Variants in IGSF21 observed in about 807,000 individuals in gnomAD.
IGSF21 encodes the protein immunoglobulin superfamily member 21.
A neutral mutation model predicts 46.8 loss-of-function variants in IGSF21; 28 were observed. That is an observed-to-expected ratio of 0.60 (90% CI 0.44 to 0.82). The LOEUF is 0.82. IGSF21 is among the 40% of genes least tolerant of loss of function. The probability of loss-of-function intolerance (pLI) is 0.00; values close to 1 mark genes in which losing one functional copy is unlikely to be tolerated. For synonymous variants in IGSF21, 284 were observed against 273.6 expected (o/e 1.04, Z -0.38); for missense variants, 624 against 665.5 (o/e 0.94, Z 0.69).
chr1:18,366,541 C>T (rs2124633764), intron 6 of IGSF21, among the ~76,000 whole-genome samples: 1 of 152,262 alleles, frequency 6.6e-6, no homozygotes, highest in South Asian at 2.1e-4. Flanking sequence ...AGGACAGTTG[C>T]TGCATAAGGG....
chr1:18,224,951 G>C (rs186078056), intron 1 of IGSF21, among the ~76,000 whole-genome samples: 16 of 152,044 alleles, frequency 1.1e-4, no homozygotes, highest in African/African-American at 3.9e-4. Context: ...TGTAATCCCA[G>C]CTACTCAGGA....
intron 3 of IGSF21, among the ~76,000 whole-genome samples, chr1:18,292,412 G>A (rs2085276282): frequency 6.6e-6 from 1 of 152,220 alleles, no homozygotes; most frequent in Admixed American, 6.5e-5. Flanking sequence ...TGTGCTCCAA[G>A]GCCATAAGGG....
At chr1:18,197,515 A>C (rs2124480378) in intron 1 of IGSF21, among the ~76,000 whole-genome samples, 1 of 152,312 alleles carries the variant, frequency 6.6e-6, no homozygotes, top group East Asian at 1.9e-4. Flanking sequence ...TGGATGTTCT[A>C]ATAACTGCAT....
intron 2 of IGSF21, among the ~76,000 whole-genome samples, chr1:18,260,204 G>A (rs971753410): frequency 1.3e-5 from 2 of 152,256 alleles, no homozygotes; most frequent in Non-Finnish European, 2.9e-5. Flanking sequence ...GGACACTGAG[G>A]ATGGTCCGAG....
chr1:18,263,298 C>G (rs1358471972), intron 2 of IGSF21, among the ~76,000 whole-genome samples: 2 of 152,120 alleles, frequency 1.3e-5, no homozygotes, highest in Non-Finnish European at 2.9e-5. Context: ...GCTTTCTCAA[C>G]CTACTTGCAT....
intron 2 of IGSF21, 70 bp from the exon 3 acceptor site, chr1:18,291,796 T>G (rs1018561855): frequency 6.4e-7 from 1 of 1,574,250 alleles, no homozygotes; most frequent in African/African-American, 1.3e-5. Context: ...ATCTTGTCAG[T>G]GTCCTGGGGA....
chr1:18,186,021 G>C (rs536183635), intron 1 of IGSF21, among the ~76,000 whole-genome samples: 1 of 152,214 alleles, frequency 6.6e-6, no homozygotes, highest in African/African-American at 2.4e-5. Context: ...TATGCATTTT[G>C]AGGGATTATT....
intron 1 of IGSF21, among the ~76,000 whole-genome samples, chr1:18,186,217 G>C (rs1034758941): frequency 2.6e-5 from 4 of 152,134 alleles, no homozygotes; most frequent in African/African-American, 9.7e-5. Context: ...GGCTTGGGGA[G>C]GGCAAAGCTC....
intron 1 of IGSF21, among the ~76,000 whole-genome samples, chr1:18,133,844 A>G (rs1317131195): frequency 6.6e-6 from 1 of 152,228 alleles, no homozygotes; most frequent in Non-Finnish European, 1.5e-5. Context: ...GGGCTCGTGA[A>G]TATTTACTTG....
At chr1:18,226,768 A>G (rs2084571420) in intron 1 of IGSF21, among the ~76,000 whole-genome samples, 1 of 152,084 alleles carries the variant, frequency 6.6e-6, no homozygotes, top group Non-Finnish European at 1.5e-5. Context: ...AAATCTTCGA[A>G]CCCATCCTGG....
intron 1 of IGSF21, among the ~76,000 whole-genome samples, chr1:18,221,585 C>T (rs907350101): frequency 3.3e-5 from 5 of 152,042 alleles, no homozygotes; most frequent in Non-Finnish European, 4.4e-5. Flanking sequence ...AAATATTGCC[C>T]GCGATTTTGC....
intron 1 of IGSF21, among the ~76,000 whole-genome samples, chr1:18,216,014 G>A (rs1210440068): frequency 6.6e-6 from 1 of 152,184 alleles, no homozygotes; most frequent in African/African-American, 2.4e-5. Flanking sequence ...GCGCTAGTCT[G>A]ATGTCTGAGA....
intron 4 of IGSF21, among the ~76,000 whole-genome samples, chr1:18,342,069 G>T (rs199623677): frequency 1.2e-3 from 110 of 94,296 alleles, no homozygotes; most frequent in East Asian, 2.4e-3. Context: ...TTTTTTTTTT[G>T]TTTGTTTGTT....
chr1:18,302,885 C>T (rs1305480749), intron 3 of IGSF21, among the ~76,000 whole-genome samples: 5 of 152,174 alleles, frequency 3.3e-5, no homozygotes, highest in Non-Finnish European at 5.9e-5. Context: ...TCTCTACCTA[C>T]CTTCCCCCAC....
intron 2 of IGSF21, among the ~76,000 whole-genome samples, chr1:18,244,063 A>C (rs553496027): frequency 1.3e-5 from 2 of 152,364 alleles, no homozygotes; most frequent in African/African-American, 4.8e-5. Flanking sequence ...GTGACTGTTA[A>C]GAGCAACCCT....
intron 3 of IGSF21, among the ~76,000 whole-genome samples, chr1:18,305,389 G>GGATGGATGGATAATGGATGGAT (rs1221381383): frequency 2.0e-5 from 3 of 151,278 alleles, no homozygotes; most frequent in Admixed American, 2.0e-4. Context: ...ATGCATGGAT[G>GGATGGATGGATAATGGATGGAT]GATGGATGGA....
At chr1:18,200,353 G>A (rs1010579129) in intron 1 of IGSF21, among the ~76,000 whole-genome samples, 1 of 152,198 alleles carries the variant, frequency 6.6e-6, no homozygotes, top group East Asian at 1.9e-4. Context: ...CTGTAACAGT[G>A]ACTTAAAACA....
intron 2 of IGSF21, among the ~76,000 whole-genome samples, chr1:18,230,535 T>C (rs1371962407): frequency 6.6e-6 from 1 of 152,114 alleles, no homozygotes; most frequent in Non-Finnish European, 1.5e-5. Flanking sequence ...TGTAATTCTG[T>C]AGCTGGACGG....
intron 1 of IGSF21, among the ~76,000 whole-genome samples, chr1:18,225,083 T>TCACACACACACACACA (rs1309548249): frequency 1.8e-5 from 1 of 54,906 alleles, no homozygotes; most frequent in East Asian, 7.8e-4. Context: ...TCTCTCTCTC[T>TCACACACACACACACA]CTCACACACA....
Sources: gnomAD v4.1 joint callset for allele counts (sites outside exome capture counted in the v4.1 genomes callset) on GRCh38, gnomAD v4.1.1 for gene constraint, MANE v1.5 for transcripts, NCBI Gene and HGNC (gene_info 2026-07-23, HGNC 2026-07-21) for gene names.